The following ZNF337 variants were observed in gnomAD, a reference collection of about 807,000 sequenced individuals.
ZNF337 encodes the protein zinc finger protein 337.
In ZNF337, 8 loss-of-function variants were observed where a neutral mutation model predicts 12.1. That is an observed-to-expected ratio of 0.66 (90% CI 0.39 to 1.19). The LOEUF (loss-of-function observed/expected upper bound fraction) is 1.19. Ranked by LOEUF, ZNF337 falls within the 50% of genes most tolerant of loss-of-function variation. ZNF337 has a pLI of 0.01. For synonymous variants in ZNF337, 336 were observed against 320.0 expected, an observed-to-expected ratio of 1.05 and a Z score of -0.53; for missense variants, 882 against 896.6, an observed-to-expected ratio of 0.98 and a Z score of 0.21.
Position 25,676,471 on chromosome 20 carries a change from A to G in ZNF337, c.817T>C (p.Tyr273His). The G allele has an allele frequency of 6.2e-7, 1 of 1,613,936 alleles. No individual in the cohort carries two copies. The highest frequency in any genetic ancestry group is 1.7e-4 in the Middle Eastern group (1 of 6,060). Residue 273 changes from tyrosine to histidine, a missense_variant, in exon 5 of 5, where the codon TAT becomes CAT. Tyr to His is a moderately conservative substitution (Grantham distance 83). Coordinates refer to ENST00000252979, the MANE Select transcript of ZNF337 (RefSeq NM_015655.4). ...PFLCKVCGRG[Y>H]TSKSYLTVHE... ...ACAGTGAGGTATGACTTACTGGTAT[A>G]GCCTCGTCCACACACCTTGCACAGA...
In ZNF337 at chr20:25,673,350, T is replaced by C. The variant is rs1473546682; in HGVS notation, c.*1682A>G. On this transcript the variant is annotated 3_prime_UTR_variant, in exon 5 of 5. Coordinates refer to ENST00000252979, the MANE Select transcript of ZNF337 (RefSeq NM_015655.4). ...CAAAAGGATAGGCATATTGCATGTA[T>C]CTTCCCTGTGCTGGACAAGGGTTGT... Among the ~76,000 whole-genome samples the C allele has an allele frequency of 6.6e-6, 1 of 152,244 alleles. No individual in the cohort carries two copies. The highest frequency in any genetic ancestry group is 1.5e-5 in the Non-Finnish European group (1 of 68,054).
At chr20:25,685,946 A>C in intron 3 of ZNF337, 50 bp downstream of exon 3, 1 of 1,579,044 alleles carries the variant, frequency 6.3e-7, no homozygotes, top group Non-Finnish European at 8.6e-7. Context: ...CTATGGCAAC[A>C]TCAGAGGCAC....
chr20:25,675,385 G>A lies in ZNF337; in HGVS notation c.1903C>T (p.Arg635Ter), dbSNP rs202001008. 90 of 1,613,820 alleles carry A rather than the reference G, an allele frequency of 5.6e-5. No homozygotes were observed. Among genetic ancestry groups the A allele is most frequent in the Middle Eastern group, 1.6e-4 (1 of 6,082 alleles). Residue 635 changes from arginine to a stop codon, truncating the protein, a stop_gained, in exon 5 of 5, where the codon CGA becomes TGA. Transcript: ENST00000252979. LOFTEE classifies it low-confidence loss of function (END_TRUNC). Reference protein sequence around the residue: ...KQPFVCKECGRGFNWKGNLLT... With the variant: ...KQPFVCKECG ...AGATTTCCCTTCCAGTTGAAGCCTC[G>A]CCCACACTCCTTGCATACAAAAGGC...
At chr20:25,693,428 G>A (rs1171703272) in intron 1 of ZNF337, among the ~76,000 whole-genome samples, 2 of 152,154 alleles carry the variant, frequency 1.3e-5, no homozygotes, top group African/African-American at 2.4e-5. Flanking sequence ...TGTGAAATGG[G>A]GATTCCAATT....
rs117961967 is a variant in ZNF337 at position 25,674,939 on chromosome 20, T to C, written c.*93A>G. 7.2e-5 allele frequency: 87 copies of C among 1,205,956 alleles called. No homozygotes were observed. In the East Asian group the frequency reaches 1.8e-3, roughly 24 times the overall value. 74.7% of individuals were successfully genotyped at this position (1,205,956 alleles called of 1,614,324 possible). ...GGATTCTGTCTGCCTCTGTTATATCTTCACGAACAAGTTATGCAGCCTCAA... is the reference window on the plus strand; with the variant it reads ...GGATTCTGTCTGCCTCTGTTATATCCTCACGAACAAGTTATGCAGCCTCAA... On this transcript the variant is annotated 3_prime_UTR_variant, in exon 5 of 5. Coordinates refer to ENST00000252979, the MANE Select transcript of ZNF337 (RefSeq NM_015655.4).
chr20:25,675,805 G>A lies in ZNF337; in HGVS notation c.1483C>T (p.Arg495Ter), dbSNP rs1157971929. 3 of 1,613,938 alleles carry A rather than the reference G, an allele frequency of 1.9e-6. No individual in the cohort carries two copies. The highest frequency in any genetic ancestry group is 2.7e-5 in the African/African-American group (2 of 74,938). Residue 495 changes from arginine to a stop codon, truncating the protein, a stop_gained, in exon 5 of 5, where the codon CGA (arginine) becomes TGA (stop). Transcript: ENST00000252979. LOFTEE classifies it low-confidence loss of function (END_TRUNC). ...EKPYGCRECG[R>*]RFRDKSSYNK... ...TAGGAGGACTTATCCCGAAACCTTC[G>A]CCCACACTCCCGACATCCATAAGGC...
At position 25,673,421 on chromosome 20, in the gene ZNF337, G is replaced by A. The variant is rs1263845225; in HGVS notation, c.*1611C>T. 6.6e-6 allele frequency among the ~76,000 whole-genome samples: 1 copy of A among 152,226 alleles called. No individual in the cohort carries two copies. Among genetic ancestry groups the A allele is most frequent in the Non-Finnish European group, 1.5e-5 (1 of 68,042 alleles). On this transcript the variant is annotated 3_prime_UTR_variant, in exon 5 of 5. Transcript: ENST00000252979. The stretch of plus-strand genomic sequence containing the variant: ...TGCTCATTAAGCTGGCCTTAATTGT[G>A]AAGGTTCTGTGGTAATGAATGGTGG...
rs1287974388 is a variant in ZNF337 at position 25,676,893 on chromosome 20, A to G, written c.395T>C (p.Phe132Ser). The G allele has an allele frequency of 6.2e-7, 1 of 1,614,052 alleles. No individual in the cohort carries two copies. The highest frequency in any genetic ancestry group is 1.3e-5 in the African/African-American group (1 of 74,924). ...EKEKSTKPMA[F>S]SSPPLRHAVS... is the part of the protein sequence containing the mutation. ...TGCATGTCTTAGGGGTGGGCTGGAA[A>G]ATGCCATGGGCTTAGTGCTTTTTTC... is the stretch of plus-strand genomic sequence containing the variant. Residue 132 changes from phenylalanine (F) to serine (S), a missense_variant, in exon 5 of 5, where the codon TTT becomes TCT. By Grantham distance (155) the Phe-to-Ser change is radical. Coordinates refer to ENST00000252979, the MANE Select transcript of ZNF337 (RefSeq NM_015655.4).
intron 1 of ZNF337, among the ~76,000 whole-genome samples, chr20:25,688,838 A>T (rs1569015170): frequency 1.3e-5 from 2 of 152,146 alleles, no homozygotes; most frequent in South Asian, 4.1e-4. Context: ...AAGTAAGGGT[A>T]AGTATCTCTG....
At position 25,676,604 on chromosome 20, in the gene ZNF337, G is replaced by T; in HGVS notation, c.684C>A (p.Asn228Lys). 1 of 1,614,102 alleles carries T rather than the reference G, an allele frequency of 6.2e-7. No homozygotes were observed. The highest frequency in any genetic ancestry group is 8.5e-7 in the Non-Finnish European group (1 of 1,179,966). Residue 228 changes from asparagine to lysine, a missense_variant, in exon 5 of 5, where the codon AAC (asparagine) becomes AAA (lysine). Coordinates refer to ENST00000252979, the MANE Select transcript of ZNF337 (RefSeq NM_015655.4). ...RDESALLLHQ[N>K]THTGEKSYVC... ...CATAGGACTTCTCTCCTGTGTGTGT[G>T]TTCTGGTGCAAGAGCAATGCTGACT...
In ZNF337 at chr20:25,675,875, T is replaced by C. The variant is rs988682288; in HGVS notation, c.1413A>G (p.Gln471=). Reference sequence around the variant, plus strand: ...TCTGGTGTAAAGTGAAGGTTGACTTTTGGATAAAGCCTCGTCCACAGTCCT... The same window carrying C: ...TCTGGTGTAAAGTGAAGGTTGACTTCTGGATAAAGCCTCGTCCACAGTCCT... ...VCKDCGRGFI[Q]KSTFTLHQRT... The change falls in exon 5 of 5, where the codon CAA becomes CAG. Residue 471 remains glutamine, a synonymous_variant. Coordinates refer to ENST00000252979, the MANE Select transcript of ZNF337 (RefSeq NM_015655.4). 3 of 1,612,734 alleles carry C rather than the reference T, an allele frequency of 1.9e-6. No homozygotes were observed. The highest frequency in any genetic ancestry group is 1.7e-6 in the Non-Finnish European group (2 of 1,179,570).
Position 25,674,628 on chromosome 20 carries a change from G to A in ZNF337, c.*404C>T, listed in dbSNP as rs35364051. The A allele has an allele frequency of 0.16, 27,165 of 174,246 alleles. 2,486 individuals are homozygous for A. Among genetic ancestry groups the A allele is most frequent in the East Asian group, 0.34 (2,128 of 6,228 alleles). 10.8% of individuals were successfully genotyped at this position (174,246 alleles called of 1,614,324 possible). ...GAGGGAAAGTGCAAGAGGAGGTTTG[G>A]TGGAGGTGTCCTAGATTGTTTGCAG... On this transcript the variant is annotated 3_prime_UTR_variant, in exon 5 of 5. Transcript: ENST00000252979.
In ZNF337 at chr20:25,696,824, G is replaced by T; in HGVS notation, c.-115C>A. The stretch of plus-strand genomic sequence containing the variant: ...TGGTGGACCACGCATCTCACGGCTC[G>T]CTGACGCCCAGGGATCTGGAACGCT... On this transcript the variant is annotated 5_prime_UTR_variant, in exon 1 of 5. Coordinates refer to ENST00000252979, the MANE Select transcript of ZNF337 (RefSeq NM_015655.4). The T allele has an allele frequency of 1.0e-6, 1 of 985,482 alleles. No individual in the cohort carries two copies. Among genetic ancestry groups the T allele is most frequent in the Non-Finnish European group, 1.2e-6 (1 of 829,956 alleles). The allele number at this position is 985,482 out of a possible 1,614,324, so 61.0% of individuals were successfully genotyped here.
In ZNF337 at chr20:25,686,431, CT is replaced by C; in HGVS notation, c.-15del. 6.2e-7 allele frequency: 1 copy of C among 1,614,024 alleles called. No individual in the cohort carries two copies. The highest frequency in any genetic ancestry group is 8.5e-7 in the Non-Finnish European group (1 of 1,179,938). On this transcript the variant is annotated 5_prime_UTR_variant, in exon 2 of 5. Coordinates refer to ENST00000252979, the MANE Select transcript of ZNF337 (RefSeq NM_015655.4). ...CTGAGGTCCCATGACTGTCTTCCTG[CT>C]CTCCACGGAGAAGGGAAGCTTGCAG...
intron 1 of ZNF337, among the ~76,000 whole-genome samples, chr20:25,695,661 C>G (rs1399509622): frequency 1.3e-5 from 2 of 152,330 alleles, no homozygotes; most frequent in East Asian, 3.9e-4. Context: ...ACTGACTGGG[C>G]CTCCCAAGTA....
Position 25,689,252 on chromosome 20 carries a change from G to A in ZNF337, c.-49-2786C>T, listed in dbSNP as rs550728386. Among the ~76,000 whole-genome samples the A allele has an allele frequency of 2.0e-4, 30 of 152,110 alleles. 1 individual carries two copies. Among genetic ancestry groups the A allele is most frequent in the South Asian group, 4.2e-4 (2 of 4,818 alleles). ...GTGGGAGGCAGAGCTTGCAGTGAGC[G>A]GAGACCGTGCCACTGCACTCCAGCC... On this transcript the variant is annotated intron_variant, in intron 1 of 4. Coordinates refer to ENST00000252979, the MANE Select transcript of ZNF337 (RefSeq NM_015655.4).
intron 1 of ZNF337, 50 bp from the exon 2 acceptor site, chr20:25,686,516 A>G (rs1417002392): frequency 1.5e-6 from 2 of 1,379,090 alleles, no homozygotes; most frequent in Non-Finnish European, 2.0e-6. Flanking sequence ...TGCCCTCCCC[A>G]TGTGTGACAG....
intron 4 of ZNF337, chr20:25,677,439 G>A (rs1454710385): frequency 6.1e-6 from 1 of 162,970 alleles, no homozygotes; most frequent in African/African-American, 2.4e-5. Flanking sequence ...CAATACTTGT[G>A]ATACATCACA....
intron 4 of ZNF337, chr20:25,680,721 T>TTAC (rs1237199232): frequency 2.6e-5 from 4 of 152,230 alleles, no homozygotes; most frequent in Admixed American, 2.6e-4. Context: ...AGTTTGCTGA[T>TTAC]TCTGTAAAGT....
Sources: gnomAD v4.1 joint callset for allele counts (sites outside exome capture counted in the v4.1 genomes callset) on GRCh38, gnomAD v4.1.1 for gene constraint, MANE v1.5 for transcripts, NCBI Gene and HGNC (gene_info 2026-07-23, HGNC 2026-07-21) for gene names.